The following CAP2 variants were observed in gnomAD, a reference collection of about 807,000 sequenced individuals.
The protein encoded by CAP2 is cyclase associated actin cytoskeleton regulatory protein 2.
A neutral mutation model predicts 57.7 loss-of-function variants in CAP2; 24 were observed. The ratio of observed to expected loss-of-function variants is 0.42; its 90% CI spans 0.30 to 0.58. The LOEUF (loss-of-function observed/expected upper bound fraction) is 0.58, where lower values mean the gene tolerates loss of function less well. Among genes scored for constraint, CAP2 ranks in the 20% least tolerant of loss-of-function variants. The pLI is 0.22. For synonymous variants in CAP2, 194 were observed against 207.2 expected (o/e 0.94, Z 0.55); for missense variants, 501 against 590.3 (o/e 0.85, Z 1.57).
In CAP2 at chr6:17,469,593, G is replaced by C. The variant is rs143764477; in HGVS notation, c.300+6520G>C. ...TCTGAGTTCTGTATTCCTCCATAAG[G>C]GGGAGAGAGAGAGACAGAGAGCGCG... On this transcript the variant is annotated intron_variant, in intron 4 of 12. Transcript: ENST00000229922. Among the ~76,000 whole-genome samples the C allele has an allele frequency of 2.5e-3, 385 of 152,150 alleles. 2 individuals are homozygous for C. Among genetic ancestry groups the C allele is most frequent in the African/African-American group, 9.0e-3 (375 of 41,482 alleles).
At chr6:17,433,014 T>C (rs1268338487) in intron 3 of CAP2, among the ~76,000 whole-genome samples, 2 of 141,014 alleles carry the variant, frequency 1.4e-5, no homozygotes, top group Non-Finnish European at 3.1e-5. Flanking sequence ...TGTCTTTCTA[T>C]CTTCTACAGA....
At chr6:17,509,765 A>G (rs1375718434) in intron 6 of CAP2, among the ~76,000 whole-genome samples, 2 of 152,042 alleles carry the variant, frequency 1.3e-5, no homozygotes, top group Non-Finnish European at 2.9e-5. Flanking sequence ...TCTTGTACAC[A>G]ATATTCATTG....
chr6:17,519,412 A>C (rs538321194), intron 7 of CAP2, among the ~76,000 whole-genome samples: 2 of 152,240 alleles, frequency 1.3e-5, no homozygotes, highest in African/African-American at 4.8e-5. Flanking sequence ...ATGTCTTCTT[A>C]CATTTACCAT....
At chr6:17,439,360 G>A (rs1760003466) in intron 3 of CAP2, among the ~76,000 whole-genome samples, 1 of 150,294 alleles carries the variant, frequency 6.7e-6, no homozygotes, top group Non-Finnish European at 1.5e-5. Flanking sequence ...CTAAACACCT[G>A]TATATCTTCA....
At chr6:17,400,036 C>A (rs1412771912) in intron 1 of CAP2, among the ~76,000 whole-genome samples, 1 of 150,710 alleles carries the variant, frequency 6.6e-6, no homozygotes, top group East Asian at 2.0e-4. Context: ...CTGGCTAACA[C>A]GGTGAAACCC....
chr6:17,444,804 CCACA>C (rs142931025), intron 3 of CAP2, among the ~76,000 whole-genome samples: 2,724 of 140,374 alleles, frequency 0.019, 32 homozygotes, highest in African/African-American at 0.043. Flanking sequence ...TTCTCTCTCT[CCACA>C]CACACACACA....
At chr6:17,500,846 C>T (rs140804834) in intron 4 of CAP2, among the ~76,000 whole-genome samples, 300 of 152,278 alleles carry the variant, frequency 2.0e-3, no homozygotes, top group African/African-American at 6.8e-3. Flanking sequence ...CTGTGCTGTG[C>T]ACTCACACAC....
intron 3 of CAP2, among the ~76,000 whole-genome samples, chr6:17,462,646 A>G (rs1760758125): frequency 6.6e-6 from 1 of 152,188 alleles, no homozygotes; most frequent in Non-Finnish European, 1.5e-5. Flanking sequence ...AAATGGGATC[A>G]TACAAATGTA....
Position 17,539,443 on chromosome 6 carries a change from G to T in CAP2, c.811G>T (p.Glu271Ter). 6.2e-7 allele frequency: 1 copy of T among 1,613,760 alleles called. No homozygotes were observed. Among genetic ancestry groups the T allele is most frequent in the Non-Finnish European group, 8.5e-7 (1 of 1,179,726 alleles). Residue 271 changes from glutamate to a stop codon, truncating the protein, a stop_gained, in exon 8 of 13, where the codon GAA (glutamate) becomes TAA (stop). Coordinates refer to ENST00000229922, the MANE Select transcript of CAP2 (RefSeq NM_006366.3). LOFTEE classifies it high-confidence loss of function. ...TTTATTTGCCCAACTTAACCAGGGAGAAGCAATTACAAAAGGTGAGAGAGA... is the reference window on the plus strand; with the variant it reads ...TTTATTTGCCCAACTTAACCAGGGATAAGCAATTACAAAAGGTGAGAGAGA... Reference protein sequence around the residue: ...SALFAQLNQGEAITKGLRHVT... With the variant: ...SALFAQLNQG
rs1248262910 is a variant in CAP2, at chr6:17,539,446, G to A, written c.814G>A (p.Ala272Thr). The change falls in exon 8 of 13, where the codon GCA becomes ACA. Residue 272 changes from alanine (A) to threonine (T), a missense_variant. Physicochemically the swap from Ala to Thr is moderately conservative, Grantham distance 58 (BLOSUM62 0). Transcript: ENST00000229922. ...ATTTGCCCAACTTAACCAGGGAGAA[G>A]CAATTACAAAAGGTGAGAGAGAAAA... Reference protein sequence around the residue: ...ALFAQLNQGEAITKGLRHVTD... With the variant: ...ALFAQLNQGETITKGLRHVTD... The A allele has an allele frequency of 6.2e-7, 1 of 1,613,636 alleles. No homozygotes were observed. Among genetic ancestry groups the A allele is most frequent in the African/African-American group, 1.3e-5 (1 of 74,918 alleles).
At chr6:17,487,501 C>T (rs1033623225) in intron 4 of CAP2, among the ~76,000 whole-genome samples, 1 of 152,086 alleles carries the variant, frequency 6.6e-6, no homozygotes, top group Non-Finnish European at 1.5e-5. Context: ...TGGAGTTTTG[C>T]TCTTGTCGCC....
At chr6:17,509,690 C>T (rs1266357318) in intron 6 of CAP2, among the ~76,000 whole-genome samples, 1 of 150,716 alleles carries the variant, frequency 6.6e-6, no homozygotes, top group Non-Finnish European at 1.5e-5. Context: ...AAAAAGGAGC[C>T]ATATCCAGCA....
intron 7 of CAP2, 97 bp downstream of exon 7, chr6:17,514,051 G>A (rs1762215519): frequency 2.5e-6 from 2 of 794,576 alleles, no homozygotes; most frequent in Non-Finnish European, 4.3e-6. Context: ...CTTACCTCAA[G>A]GAAAATGTAA....
chr6:17,453,515 C>T (rs7751443), intron 3 of CAP2, among the ~76,000 whole-genome samples: 94 of 152,300 alleles, frequency 6.2e-4, no homozygotes, highest in African/African-American at 2.2e-3. Context: ...TTTTCAGTCA[C>T]GTTGCCTTGA....
chr6:17,513,606 T>C lies in CAP2; in HGVS notation c.531-243T>C. On this transcript the variant is annotated intron_variant, in intron 6 of 12. Transcript: ENST00000229922. This position sits in a 1 kb window ranked among gnomAD's most constrained non-coding sequence, Gnocchi z 4.3. ...GCTCTGTCGGGTCCCCTCTCTGTGG[T>C]ACCTCTGCTCCATACCCGGAGCTCA... is the stretch of plus-strand genomic sequence containing the variant. Among the ~76,000 whole-genome samples, 1 of 152,052 alleles carries C rather than the reference T, an allele frequency of 6.6e-6. No individual in the cohort carries two copies. The highest frequency in any genetic ancestry group is 6.6e-5 in the Admixed American group (1 of 15,248).
At chr6:17,544,572 C>T (rs1762996867) in intron 11 of CAP2, among the ~76,000 whole-genome samples, 1 of 151,174 alleles carries the variant, frequency 6.6e-6, no homozygotes, top group Admixed American at 6.6e-5. Context: ...CAGAGTCTCG[C>T]TCTGTGGCCC....
At chr6:17,406,985 T>C (rs1344614262) in intron 1 of CAP2, among the ~76,000 whole-genome samples, 1 of 152,190 alleles carries the variant, frequency 6.6e-6, no homozygotes, top group Non-Finnish European at 1.5e-5. Flanking sequence ...TGGGTTCCCT[T>C]TTCAATTTTG....
chr6:17,438,198 T>C (rs1759954528), intron 3 of CAP2, among the ~76,000 whole-genome samples: 1 of 150,416 alleles, frequency 6.6e-6, no homozygotes, highest in Non-Finnish European at 1.5e-5. Context: ...AAACCCCGTC[T>C]CTACTAAAAA....
At chr6:17,496,569 G>A (rs1761674428) in intron 4 of CAP2, among the ~76,000 whole-genome samples, 1 of 151,842 alleles carries the variant, frequency 6.6e-6, no homozygotes, top group African/African-American at 2.4e-5. Flanking sequence ...CAAGCCATCT[G>A]CCCACCTCAG....
Sources: gnomAD v4.1 joint callset for allele counts (sites outside exome capture counted in the v4.1 genomes callset) on GRCh38, gnomAD v4.1.1 for gene constraint, Gnocchi (gnomAD v3.1) non-coding constraint, MANE v1.5 for transcripts, NCBI Gene and HGNC (gene_info 2026-07-23, HGNC 2026-07-21) for gene names.